The following ABCC1 variants were observed in gnomAD, a reference collection of about 807,000 sequenced individuals.
The protein encoded by ABCC1 is ATP binding cassette subfamily C member 1 (ABCC1 blood group).
In ABCC1, 83 loss-of-function variants were observed where a neutral mutation model predicts 172.9. The observed-to-expected ratio is 0.48, with a 90% CI of 0.40 to 0.58. The LOEUF is 0.58. Ranked by LOEUF, ABCC1 falls within the 20% of genes least tolerant of loss-of-function variation. The pLI is 0.00. For missense variants in ABCC1, 1,817 were observed against 2,002.7 expected, an observed-to-expected ratio of 0.91 and a Z score of 1.77; for synonymous variants, 937 against 825.2, an observed-to-expected ratio of 1.14 and a Z score of -2.32.
intron 26 of ABCC1, among the ~76,000 whole-genome samples, chr16:16,127,573 T>G (rs1420616436): frequency 6.6e-6 from 1 of 152,202 alleles, no homozygotes; most frequent in Non-Finnish European, 1.5e-5. Context: ...CTGAAGTTAC[T>G]TGCCCAAGAT....
At chr16:16,066,182 A>G (rs2050106953) in intron 12 of ABCC1, among the ~76,000 whole-genome samples, 1 of 149,904 alleles carries the variant, frequency 6.7e-6, no homozygotes, top group Non-Finnish European at 1.5e-5. Context: ...GCCTTTTCTG[A>G]CTGTTTTCTT....
intron 7 of ABCC1, among the ~76,000 whole-genome samples, chr16:16,039,227 G>T (rs2048873674): frequency 7.3e-6 from 1 of 137,134 alleles, no homozygotes; most frequent in Non-Finnish European, 1.5e-5. Flanking sequence ...GTGTGTGTGT[G>T]TGTGTGTATG....
At chr16:16,085,237 C>G (rs2050962202) in intron 17 of ABCC1, among the ~76,000 whole-genome samples, 1 of 152,208 alleles carries the variant, frequency 6.6e-6, no homozygotes, top group African/African-American at 2.4e-5. Flanking sequence ...ACAGCAACCC[C>G]CAGCCCCTGC....
intron 3 of ABCC1, among the ~76,000 whole-genome samples, chr16:16,010,400 C>T (rs1200319304): frequency 1.3e-5 from 2 of 152,142 alleles, no homozygotes; most frequent in Non-Finnish European, 2.9e-5. Flanking sequence ...CCCCACCATG[C>T]CCTATTGTCT....
chr16:15,957,663 T>A (rs8044628), intron 1 of ABCC1, among the ~76,000 whole-genome samples: 4,360 of 152,296 alleles, frequency 0.029, 233 homozygotes, highest in African/African-American at 0.1. Flanking sequence ...TGGCACGATC[T>A]TGGCTCACTG....
chr16:16,129,656 AC>A (rs943288456), intron 26 of ABCC1, among the ~76,000 whole-genome samples: 3 of 150,378 alleles, frequency 2.0e-5, no homozygotes, highest in African/African-American at 7.4e-5. Context: ...TCGTGTCTCA[AC>A]CTCCCAAGTA....
chr16:16,018,180 C>T (rs1020751744), intron 5 of ABCC1, among the ~76,000 whole-genome samples: 3 of 152,058 alleles, frequency 2.0e-5, no homozygotes, highest in Non-Finnish European at 4.4e-5. Context: ...CAGAGGCTCA[C>T]CTTGTGGGTG....
rs776877086 is a variant in ABCC1, at chr16:16,083,523, G to A, written c.2273G>A (p.Arg758Gln). Residue 758 changes from arginine to glutamine, a missense_variant, in exon 17 of 31, where the codon CGG becomes CAG. Around this residue, in one of 3 missense-constraint regions of ABCC1, gnomAD observed 1,412 missense variants for 1,600.3 expected, o/e 0.88. Transcript: ENST00000399410. ...CTGGAAATCCTGCCCAGTGGGGATC[G>A]GACAGAGATTGGCGAGAAGGTCAGT... ...PDLEILPSGD[R>Q]TEIGEKGVNL... The A allele has an allele frequency of 1.2e-5, 20 of 1,613,058 alleles. No individual in the cohort carries two copies. Among genetic ancestry groups the A allele is most frequent in the Admixed American group, 3.3e-5 (2 of 59,994 alleles).
intron 11 of ABCC1, among the ~76,000 whole-genome samples, chr16:16,054,126 C>G (rs1418180899): frequency 6.6e-6 from 1 of 152,022 alleles, no homozygotes; most frequent in Non-Finnish European, 1.5e-5. Context: ...AGGTGCCCAC[C>G]ACCACACCCA....
chr16:16,105,369 C>G (rs2052033745), intron 20 of ABCC1: 1 of 152,380 alleles, frequency 6.6e-6, no homozygotes, highest in Non-Finnish European at 1.5e-5. Context: ...GCTCCCTCTG[C>G]CACTCCCTGA....
chr16:16,085,807 C>T (rs930359869), intron 17 of ABCC1, among the ~76,000 whole-genome samples: 36 of 152,122 alleles, frequency 2.4e-4, no homozygotes, highest in Non-Finnish European at 7.4e-5. Context: ...CACGTGGCTG[C>T]CAGGACCCCA....
chr16:16,122,942 A>G (rs1045450950), intron 24 of ABCC1, among the ~76,000 whole-genome samples: 1 of 152,134 alleles, frequency 6.6e-6, no homozygotes, highest in Non-Finnish European at 1.5e-5. Flanking sequence ...ATCACAGATA[A>G]TAGCATCAAT....
At chr16:16,048,521 T>C (rs147283378) in intron 10 of ABCC1, among the ~76,000 whole-genome samples, 1 of 152,352 alleles carries the variant, frequency 6.6e-6, no homozygotes, top group East Asian at 1.9e-4. Context: ...GCATGGCGTT[T>C]TCATTTTCTC....
At chr16:16,034,940 TGTTTGTGTGTGC>T (rs2048697775) in intron 6 of ABCC1, among the ~76,000 whole-genome samples, 1 of 152,150 alleles carries the variant, frequency 6.6e-6, no homozygotes, top group African/African-American at 2.4e-5. Context: ...TGTGTGTGTG[TGTTTGTGTGTGC>T]ATGTCAATGG....
intron 5 of ABCC1, among the ~76,000 whole-genome samples, chr16:16,024,513 A>G (rs1396549109): frequency 6.6e-6 from 1 of 152,082 alleles, no homozygotes; most frequent in Non-Finnish European, 1.5e-5. Context: ...CACCACGCCC[A>G]AGTAACTTTT....
intron 19 of ABCC1, among the ~76,000 whole-genome samples, chr16:16,099,086 C>T (rs887258106): frequency 6.6e-6 from 1 of 152,192 alleles, no homozygotes; most frequent in Non-Finnish European, 1.5e-5. Context: ...TTGAGGCTGG[C>T]ACTGGGGGAT....
At chr16:16,080,992 G>C (rs1001422309) in intron 16 of ABCC1, among the ~76,000 whole-genome samples, 4 of 152,068 alleles carry the variant, frequency 2.6e-5, no homozygotes, top group African/African-American at 9.7e-5. Flanking sequence ...AGCCTCTTGA[G>C]TAGCTGGGAT....
At chr16:15,968,196 G>A (rs898051687) in intron 1 of ABCC1, among the ~76,000 whole-genome samples, 28 of 151,754 alleles carry the variant, frequency 1.8e-4, no homozygotes, top group African/African-American at 2.9e-4. Flanking sequence ...CACCATGCCC[G>A]GCTAATTTTT....
chr16:16,076,546 A>ACC, intron 15 of ABCC1, 145 bp downstream of exon 15: 1 of 735,716 alleles, frequency 1.4e-6, no homozygotes, highest in Non-Finnish European at 2.2e-6. Flanking sequence ...ACCCATCTGG[A>ACC]CAATGGGTGC....
Sources: gnomAD v4.1 joint callset for allele counts (sites outside exome capture counted in the v4.1 genomes callset) on GRCh38, gnomAD v4.1.1 for gene constraint, gnomAD v4.1.1 regional missense constraint, MANE v1.5 for transcripts, NCBI Gene and HGNC (gene_info 2026-07-23, HGNC 2026-07-21) for gene names.